M1AP: variants seen among roughly 807,000 people sequenced by gnomAD.
The protein encoded by M1AP is meiosis 1 arrest protein.
In M1AP, 39 loss-of-function variants were observed where a neutral mutation model predicts 51.2. The ratio of observed to expected loss-of-function variants is 0.76; its 90% CI spans 0.59 to 1.00. M1AP has a LOEUF of 1.00. Ranked by LOEUF, M1AP falls within the 50% of genes least tolerant of loss-of-function variation. The pLI is 0.00. For synonymous variants in M1AP, 251 were observed against 249.2 expected, an observed-to-expected ratio of 1.01 and a Z score of -0.07; for missense variants, 545 against 641.2, an observed-to-expected ratio of 0.85 and a Z score of 1.62.
In M1AP at chr2:74,559,679, T is replaced by C. The variant is rs1178156861; in HGVS notation, c.1434+19A>G. Reference sequence around the variant, plus strand: ...TTGGTCAGCCTCCTTTCCTCATCTGTAAATGAGCAAACACTTACCTTGCAG... The same window carrying C: ...TTGGTCAGCCTCCTTTCCTCATCTGCAAATGAGCAAACACTTACCTTGCAG... On this transcript the variant is annotated intron_variant, in intron 10 of 10. Transcript: ENST00000421985. 5.6e-6 allele frequency: 4 copies of C among 718,512 alleles called. No individual in the cohort carries two copies. The highest frequency in any genetic ancestry group is 1.0e-5 in the Non-Finnish European group (4 of 385,040). The allele number at this position is 718,512 out of a possible 1,614,324, so 44.5% of individuals were successfully genotyped here.
At chr2:74,562,519 G>T in intron 7 of M1AP, 96 bp from the exon 8 acceptor site, 2 of 1,361,720 alleles carry the variant, frequency 1.5e-6, no homozygotes, top group Non-Finnish European at 1.0e-6. Context: ...TTCCAGGGGT[G>T]CTGAGGAGGG....
intron 4 of M1AP, among the ~76,000 whole-genome samples, chr2:74,604,480 T>C (rs1232574824): frequency 6.6e-6 from 1 of 152,208 alleles, no homozygotes; most frequent in African/African-American, 2.4e-5. Flanking sequence ...ACAATCTAGA[T>C]CCCTCACATG....
At chr2:74,591,127 T>C (rs774915054) in intron 4 of M1AP, among the ~76,000 whole-genome samples, 2 of 152,196 alleles carry the variant, frequency 1.3e-5, no homozygotes, top group Non-Finnish European at 2.9e-5. Flanking sequence ...TAAGGGATGA[T>C]AGAGTATAAA....
intron 3 of M1AP, 46 bp from the exon 4 acceptor site, chr2:74,607,269 CAG>C: frequency 6.3e-7 from 1 of 1,585,312 alleles, no homozygotes; most frequent in South Asian, 1.1e-5. Flanking sequence ...CCCTGATGTA[CAG>C]AGTGAGGAAC....
chr2:74,611,586 T>G (rs1180494941), intron 3 of M1AP, among the ~76,000 whole-genome samples: 2 of 152,150 alleles, frequency 1.3e-5, no homozygotes, highest in African/African-American at 4.8e-5. Flanking sequence ...GCCAAAAGTT[T>G]GTGATTTTGT....
rs1377748539 is a variant in M1AP, at chr2:74,581,792, G to A, written c.651C>T (p.Val217=). 6.8e-6 allele frequency: 11 copies of A among 1,614,016 alleles called. No homozygotes were observed. Among genetic ancestry groups the A allele is most frequent in the Non-Finnish European group, 9.3e-6 (11 of 1,179,912 alleles). The change falls in exon 5 of 11, where the codon GTC becomes GTT. Residue 217 remains valine (V), a synonymous_variant. Coordinates refer to ENST00000421985, the MANE Select transcript of M1AP (RefSeq NM_001321739.2). Reference sequence around the variant, plus strand: ...AGGCTTTGAAGAAAATCTCCATGCTGACGATATCATTGTCTATAGTCTGAA... The same window carrying A: ...AGGCTTTGAAGAAAATCTCCATGCTAACGATATCATTGTCTATAGTCTGAA... ...IDLQTIDNDI[V]SMEIFFKAWL...
At chr2:74,629,958 T>A (rs1682611222) in intron 2 of M1AP, among the ~76,000 whole-genome samples, 1 of 150,800 alleles carries the variant, frequency 6.6e-6, no homozygotes. Context: ...TTTTTTTTTT[T>A]AAGACAAGGC....
chr2:74,613,865 T>C (rs912719510), intron 3 of M1AP, among the ~76,000 whole-genome samples: 1 of 152,184 alleles, frequency 6.6e-6, no homozygotes, highest in Non-Finnish European at 1.5e-5. Flanking sequence ...CATAGCTCAG[T>C]GCAACTTTGA....
chr2:74,566,651 C>A (rs760237034), intron 7 of M1AP, among the ~76,000 whole-genome samples: 1 of 148,222 alleles, frequency 6.7e-6, no homozygotes, highest in Non-Finnish European at 1.5e-5. Context: ...ATCCCCCCCA[C>A]CCGCCCAGAT....
chr2:74,573,345 T>C (rs1678866781), intron 7 of M1AP, among the ~76,000 whole-genome samples: 1 of 149,660 alleles, frequency 6.7e-6, no homozygotes, highest in Admixed American at 6.7e-5. Flanking sequence ...TGAGCCACCG[T>C]GCCCAGCCTA....
At chr2:74,580,139 G>A (rs1425143926) in intron 5 of M1AP, among the ~76,000 whole-genome samples, 1 of 152,164 alleles carries the variant, frequency 6.6e-6, no homozygotes, top group African/African-American at 2.4e-5. Flanking sequence ...TAAAATAGTG[G>A]TGTACCTTAC....
At position 74,558,734 on chromosome 2, in the gene M1AP, C is replaced by A. The variant is rs1677678981; in HGVS notation, c.1575G>T (p.Lys525Asn). The change falls in exon 11 of 11, where the codon AAG becomes AAT. Residue 525 changes from lysine (K) to asparagine (N), a missense_variant. Coordinates refer to ENST00000421985, the MANE Select transcript of M1AP (RefSeq NM_001321739.2). ...TGGTGACTTAGGGCCTTGAGGGATC[C>A]TTCTCCCACTCTGAAGGCAGGAAGA... Reference protein sequence around the residue: ...DAFFLPSEWEKDPSRP With the variant: ...DAFFLPSEWENDPSRP The A allele has an allele frequency of 6.2e-7, 1 of 1,612,522 alleles. No individual in the cohort carries two copies. Among genetic ancestry groups the A allele is most frequent in the Admixed American group, 1.7e-5 (1 of 59,698 alleles).
intron 2 of M1AP, among the ~76,000 whole-genome samples, chr2:74,623,345 A>T (rs889063957): frequency 3.3e-5 from 5 of 152,152 alleles, no homozygotes; most frequent in African/African-American, 1.2e-4. Context: ...CTCTAAAAAA[A>T]ATATAAAAAT....
At chr2:74,611,893 T>TTTG (rs1681381750) in intron 3 of M1AP, among the ~76,000 whole-genome samples, 1 of 78,094 alleles carries the variant, frequency 1.3e-5, no homozygotes, top group Admixed American at 1.3e-4. Context: ...TTTTTTTTTT[T>TTTG]TTTTTTTTTT....
chr2:74,590,321 A>G (rs1240429986), intron 4 of M1AP, among the ~76,000 whole-genome samples: 2 of 152,100 alleles, frequency 1.3e-5, no homozygotes, highest in African/African-American at 4.8e-5. Flanking sequence ...AACATTTTAT[A>G]AAAGCACTAA....
chr2:74,644,302 G>A (rs1683470959), intron 1 of M1AP, among the ~76,000 whole-genome samples: 1 of 152,212 alleles, frequency 6.6e-6, no homozygotes, highest in Non-Finnish European at 1.5e-5. Context: ...CACTTTGAGA[G>A]GCTGAGGCGG....
intron 2 of M1AP, chr2:74,619,015 G>A (rs1264239727): frequency 3.8e-5 from 20 of 521,056 alleles, no homozygotes; most frequent in South Asian, 5.7e-5. Flanking sequence ...ATATTTTCAC[G>A]TCTGTACTTC....
At chr2:74,611,427 G>T (rs973537541) in intron 3 of M1AP, among the ~76,000 whole-genome samples, 18 of 152,138 alleles carry the variant, frequency 1.2e-4, no homozygotes, top group African/African-American at 4.3e-4. Context: ...ATACAGGAAT[G>T]TATCCATTTC....
At chr2:74,622,197 T>C (rs1412281937) in intron 2 of M1AP, among the ~76,000 whole-genome samples, 1 of 152,194 alleles carries the variant, frequency 6.6e-6, no homozygotes, top group Non-Finnish European at 1.5e-5. Flanking sequence ...ATTTTGGATA[T>C]GTCAGGACAA....
Sources: gnomAD v4.1 joint callset for allele counts (sites outside exome capture counted in the v4.1 genomes callset) on GRCh38, gnomAD v4.1.1 for gene constraint, MANE v1.5 for transcripts, NCBI Gene and HGNC (gene_info 2026-07-23, HGNC 2026-07-21) for gene names.